The following CCDC30 variants were observed in gnomAD, a reference collection of about 807,000 sequenced individuals.
CCDC30 encodes the protein coiled-coil domain containing 30.
A neutral mutation model predicts 100.2 loss-of-function variants in CCDC30; 70 were observed. That is an observed-to-expected ratio of 0.70 (90% confidence interval 0.58 to 0.85). The LOEUF is 0.85. Among genes scored for constraint, CCDC30 ranks in the 40% least tolerant of loss-of-function variants. The pLI is 0.00. For missense variants in CCDC30, 652 were observed against 771.2 expected (o/e 0.85, Z 1.83); for synonymous variants, 233 against 269.5 (o/e 0.86, Z 1.33).
intron 1 of CCDC30, among the ~76,000 whole-genome samples, chr1:42,466,899 A>G (rs546311778): frequency 1.3e-5 from 2 of 152,324 alleles, no homozygotes; most frequent in East Asian, 3.9e-4. Context: ...TTTTAGGTAC[A>G]GTTTAGATGT....
chr1:42,583,529 A>G (rs577547680), intron 9 of CCDC30, among the ~76,000 whole-genome samples: 1 of 152,300 alleles, frequency 6.6e-6, no homozygotes, highest in African/African-American at 2.4e-5. Context: ...TTTATCTGAC[A>G]TTACATTTTT....
At chr1:42,536,508 G>A (rs1342947646) in intron 6 of CCDC30, 1 of 1,611,580 alleles carries the variant, frequency 6.2e-7, no homozygotes. Flanking sequence ...AAAATGAAAT[G>A]TTTGAAAGTG....
rs115931061 is a variant in CCDC30, at chr1:42,528,804, C to A, written c.456+29888C>A. Among the ~76,000 whole-genome samples the A allele has an allele frequency of 2.3e-3, 344 of 152,310 alleles. 2 individuals are homozygous for A. Among genetic ancestry groups the A allele is most frequent in the African/African-American group, 7.9e-3 (329 of 41,576 alleles). On this transcript the variant is annotated intron_variant, in intron 6 of 16. Coordinates refer to ENST00000668663, the Ensembl canonical transcript of CCDC30. ...CGTAGAACTTATGCTTGGAGAAGAT[C>A]ATTGGAGAATACCTGGTTAATCTAC...
chr1:42,644,883 C>A, intron 14 of CCDC30, 76 bp downstream of exon 18: 2 of 926,150 alleles, frequency 2.2e-6, no homozygotes, highest in Non-Finnish European at 3.5e-6. Flanking sequence ...CTGTCTCTTG[C>A]CTTCATCTTT....
intron 6 of CCDC30, among the ~76,000 whole-genome samples, chr1:42,526,862 A>G (rs1266232983): frequency 6.6e-6 from 1 of 152,206 alleles, no homozygotes; most frequent in African/African-American, 2.4e-5. Flanking sequence ...CTGTTACACA[A>G]GTAAATTTTC....
intron 9 of CCDC30, 69 bp from the exon 14 acceptor site, chr1:42,589,252 A>C: frequency 7.6e-7 from 1 of 1,324,408 alleles, no homozygotes. Context: ...TTGTGATGCC[A>C]TAAAAATTTT....
chr1:42,483,015 C>A (rs879345280), intron 3 of CCDC30, 199 bp downstream of exon 3: 3 of 370,508 alleles, frequency 8.1e-6, no homozygotes, highest in Non-Finnish European at 1.4e-5. Context: ...AAGTGCACAA[C>A]TTGTAAGTGT....
At chr1:42,588,398 C>T (rs752527162) in intron 9 of CCDC30, among the ~76,000 whole-genome samples, 5 of 151,964 alleles carry the variant, frequency 3.3e-5, no homozygotes, top group African/African-American at 7.3e-5. Flanking sequence ...ATTTTATTAA[C>T]GTGGGGTGGG....
chr1:42,459,973 A>G (rs1254071464), upstream of CCDC30: 1 of 1,528,776 alleles, frequency 6.5e-7, no homozygotes, highest in East Asian at 2.3e-5. Context: ...GCTCTTAGAG[A>G]TGGTGAAAAC....
chr1:42,477,276 C>A (rs940076787), intron 1 of CCDC30, among the ~76,000 whole-genome samples: 2 of 152,190 alleles, frequency 1.3e-5, no homozygotes, highest in South Asian at 2.1e-4. Context: ...TTCACCCAGG[C>A]TGGAGTGCAG....
At chr1:42,521,465 G>A (rs989040792) in intron 6 of CCDC30, among the ~76,000 whole-genome samples, 1 of 152,130 alleles carries the variant, frequency 6.6e-6, no homozygotes, top group African/African-American at 2.4e-5. Context: ...GACTTAATTT[G>A]TGGTTTAACA....
chr1:42,456,535 A>G, the CCDC30 span: 1 of 1,443,444 alleles, frequency 6.9e-7, no homozygotes, highest in Non-Finnish European at 9.1e-7. Context: ...CGGCCGCGAA[A>G]CGTGCGCAGG....
chr1:42,551,742 G>GGTGTGTGTGTGTGTGT (rs34048456), intron 6 of CCDC30, among the ~76,000 whole-genome samples: 17 of 144,496 alleles, frequency 1.2e-4, no homozygotes, highest in African/African-American at 3.6e-4. Flanking sequence ...GATAAATTCT[G>GGTGTGTGTGTGTGTGT]GTGTGTGTGT....
At chr1:42,456,486 G>A in the CCDC30 span, 3 of 1,384,896 alleles carry the variant, frequency 2.2e-6, no homozygotes, top group Admixed American at 3.1e-5. Context: ...AGTACGGCGC[G>A]GCGCGTACAC....
chr1:42,484,563 G>T (rs578259768), intron 3 of CCDC30, among the ~76,000 whole-genome samples: 62 of 152,306 alleles, frequency 4.1e-4, no homozygotes, highest in Admixed American at 1.2e-3. Context: ...TATTAGGACT[G>T]CTGGGAAGCT....
chr1:42,479,839 G>A (rs969197749), intron 1 of CCDC30, among the ~76,000 whole-genome samples: 1 of 152,138 alleles, frequency 6.6e-6, no homozygotes, highest in African/African-American at 2.4e-5. Flanking sequence ...AAGAAGATGA[G>A]GTGCCTCCTG....
upstream of CCDC30, among the ~76,000 whole-genome samples, chr1:42,462,174 T>C (rs1460963941): frequency 1.3e-5 from 2 of 152,344 alleles, no homozygotes; most frequent in East Asian, 3.8e-4. Flanking sequence ...GTTTAATTTA[T>C]ATTCAGAGCA....
chr1:42,565,668 A>G (rs984571161), intron 6 of CCDC30, among the ~76,000 whole-genome samples: 5 of 152,234 alleles, frequency 3.3e-5, no homozygotes, highest in Admixed American at 6.5e-5. Flanking sequence ...CATATGATCT[A>G]GCAATTCCGC....
rs193066265 is a variant in CCDC30, at chr1:42,478,741, G to T, written c.-91-1720G>T. ...ATCACTGCACTCCAGCCTGGGGAACGGAGTGAGATCCTGTCTCAAACAACA... is the reference window on the plus strand; with the variant it reads ...ATCACTGCACTCCAGCCTGGGGAACTGAGTGAGATCCTGTCTCAAACAACA... On this transcript the variant is annotated intron_variant, in intron 1 of 16. Coordinates refer to ENST00000668663, the Ensembl canonical transcript of CCDC30. Among the ~76,000 whole-genome samples, 794 of 152,026 alleles carry T rather than the reference G, an allele frequency of 5.2e-3. 8 individuals are homozygous for T. Among genetic ancestry groups the T allele is most frequent in the African/African-American group, 0.018 (767 of 41,464 alleles).
Sources: gnomAD v4.1 joint callset for allele counts (sites outside exome capture counted in the v4.1 genomes callset) on GRCh38, gnomAD v4.1.1 for gene constraint, MANE v1.5 for transcripts, NCBI Gene and HGNC (gene_info 2026-07-23, HGNC 2026-07-21) for gene names.